The following ADCY2 variants were observed in gnomAD, a reference collection of about 807,000 sequenced individuals.
The protein encoded by ADCY2 is adenylate cyclase 2, also known as adenylate cyclase type 2.
Under a neutral mutation model 125.2 loss-of-function variants are expected in ADCY2, and 31 were observed. The ratio of observed to expected loss-of-function variants is 0.25; its 90% CI spans 0.19 to 0.33. The LOEUF (loss-of-function observed/expected upper bound fraction) is 0.33, where lower values mean the gene tolerates loss of function less well. ADCY2 is among the 10% of genes least tolerant of loss of function. The pLI is 1.00. For missense variants in ADCY2, 904 were observed against 1,418.2 expected (o/e 0.64, Z 5.82); for synonymous variants, 512 against 548.4 (o/e 0.93, Z 0.93).
At chr5:7,538,164 A>G (rs1393062098) in intron 3 of ADCY2, among the ~76,000 whole-genome samples, 2 of 152,196 alleles carry the variant, frequency 1.3e-5, no homozygotes, top group African/African-American at 4.8e-5. Context: ...ATAATATAAA[A>G]TATTTTTTGT....
chr5:7,802,563 C>G lies in ADCY2; in HGVS notation c.2775+199C>G, dbSNP rs1258318489. Among the ~76,000 whole-genome samples, 1 of 152,210 alleles carries G rather than the reference C, an allele frequency of 6.6e-6. No individual in the cohort carries two copies. Among genetic ancestry groups the G allele is most frequent in the Non-Finnish European group, 1.5e-5 (1 of 68,038 alleles). ...AGACAAATACATTGTATTTTTGAAG[C>G]TGGTATGACTGCTAGGAACAGCTAC... On this transcript the variant is annotated intron_variant, in intron 21 of 24. Transcript: ENST00000338316. The surrounding 1 kb of genome is among the most constrained non-coding windows in gnomAD (Gnocchi z 4.6).
chr5:7,655,608 G>A (rs1467002831), intron 4 of ADCY2, among the ~76,000 whole-genome samples: 1 of 152,166 alleles, frequency 6.6e-6, no homozygotes, highest in Non-Finnish European at 1.5e-5. Context: ...AGCGCAGTCT[G>A]CTTTACCAAG....
At position 7,535,788 on chromosome 5, in the gene ADCY2, C is replaced by T. The variant is rs187846315; in HGVS notation, c.570+14889C>T. Among the ~76,000 whole-genome samples the T allele has an allele frequency of 2.4e-3, 368 of 152,224 alleles. 1 individual carries two copies. The highest frequency in any genetic ancestry group is 3.6e-3 in the Non-Finnish European group (242 of 68,010). On this transcript the variant is annotated intron_variant, in intron 3 of 24. Coordinates refer to ENST00000338316, the MANE Select transcript of ADCY2 (RefSeq NM_020546.3). ...AAGATCTGGGATTTCTTGTCACTGG[C>T]AGAAAAATGAGCTAAGTTTGAACTG...
chr5:7,675,400 C>T (rs1374641412), intron 4 of ADCY2, among the ~76,000 whole-genome samples: 2 of 152,054 alleles, frequency 1.3e-5, no homozygotes, highest in Non-Finnish European at 2.9e-5. Context: ...TGCCCTTCCC[C>T]CACCAAATGA....
chr5:7,556,370 CAG>C (rs1735506801), intron 3 of ADCY2, among the ~76,000 whole-genome samples: 1 of 151,998 alleles, frequency 6.6e-6, no homozygotes, highest in Non-Finnish European at 1.5e-5. Flanking sequence ...AAATAAACAA[CAG>C]AGTAAAAATG....
rs1381870977 is a variant in ADCY2 at position 7,414,463 on chromosome 5, C to T, written c.211-110C>T. 33 of 916,856 alleles carry T rather than the reference C, an allele frequency of 3.6e-5. 1 individual carries two copies. The highest frequency in any genetic ancestry group is 3.9e-5 in the Non-Finnish European group (24 of 622,166). 56.8% of individuals were successfully genotyped at this position (916,856 alleles called of 1,614,324 possible). On this transcript the variant is annotated intron_variant, in intron 1 of 24. Coordinates refer to ENST00000338316, the MANE Select transcript of ADCY2 (RefSeq NM_020546.3). ...CTACTTTCAAAACAATTTCTTAAAC[C>T]CAATATATTCTGACATTGACAAGCG...
At chr5:7,699,950 C>T (rs886404051) in intron 7 of ADCY2, among the ~76,000 whole-genome samples, 5 of 152,100 alleles carry the variant, frequency 3.3e-5, no homozygotes, top group Admixed American at 6.6e-5. Flanking sequence ...TAGGAAGGCA[C>T]GGTTTTGTTT....
At chr5:7,805,817 G>A (rs1247479924) in intron 22 of ADCY2, among the ~76,000 whole-genome samples, 1 of 152,192 alleles carries the variant, frequency 6.6e-6, no homozygotes, top group Admixed American at 6.5e-5. Flanking sequence ...TGGGCAAAGA[G>A]TAGAACATGG....
chr5:7,679,365 C>T (rs1395904375), intron 4 of ADCY2, among the ~76,000 whole-genome samples: 2 of 152,192 alleles, frequency 1.3e-5, no homozygotes, highest in Non-Finnish European at 2.9e-5. Flanking sequence ...TATATCATAT[C>T]TTGTAATATA....
chr5:7,674,020 C>T (rs966403251), intron 4 of ADCY2, among the ~76,000 whole-genome samples: 1 of 152,108 alleles, frequency 6.6e-6, no homozygotes, highest in Admixed American at 6.5e-5. Context: ...GGAGGAAAGG[C>T]TGTTCCCTGG....
At chr5:7,410,349 A>G (rs1398501284) in intron 1 of ADCY2, among the ~76,000 whole-genome samples, 1 of 152,224 alleles carries the variant, frequency 6.6e-6, no homozygotes, top group Non-Finnish European at 1.5e-5. Flanking sequence ...GAAAAAAGAA[A>G]AAGTACATTG....
intron 4 of ADCY2, among the ~76,000 whole-genome samples, chr5:7,663,321 T>C (rs562770068): frequency 6.6e-6 from 1 of 152,300 alleles, no homozygotes; most frequent in South Asian, 2.1e-4. Flanking sequence ...AAAAGCACAA[T>C]TCCAGGAAGC....
intron 18 of ADCY2, among the ~76,000 whole-genome samples, chr5:7,777,994 C>T (rs1743795054): frequency 6.6e-6 from 1 of 152,152 alleles, no homozygotes; most frequent in East Asian, 1.9e-4. Context: ...GGCAGTTTCT[C>T]AGATGTTTCC....
chr5:7,803,104 T>C (rs1744649423), intron 21 of ADCY2, among the ~76,000 whole-genome samples: 1 of 152,188 alleles, frequency 6.6e-6, no homozygotes, highest in Non-Finnish European at 1.5e-5. Context: ...GTGGGCCCTG[T>C]GCACTTTCTG....
intron 3 of ADCY2, among the ~76,000 whole-genome samples, chr5:7,563,898 GC>G (rs1266730283): frequency 1.3e-5 from 2 of 152,128 alleles, no homozygotes; most frequent in Non-Finnish European, 2.9e-5. Flanking sequence ...GATCAAATAG[GC>G]TGGGTACTAC....
chr5:7,637,040 C>A (rs1738529408), intron 4 of ADCY2, among the ~76,000 whole-genome samples: 1 of 152,150 alleles, frequency 6.6e-6, no homozygotes, highest in Non-Finnish European at 1.5e-5. Context: ...AATAATGCAT[C>A]TTTGGTAATA....
At chr5:7,451,391 G>A (rs1245190936) in intron 2 of ADCY2, among the ~76,000 whole-genome samples, 2 of 152,208 alleles carry the variant, frequency 1.3e-5, no homozygotes, top group African/African-American at 4.8e-5. Context: ...TATGGTGACA[G>A]CAGCAAGAGA....
chr5:7,809,842 G>A (rs774701399), intron 22 of ADCY2, among the ~76,000 whole-genome samples: 1 of 152,196 alleles, frequency 6.6e-6, no homozygotes, highest in African/African-American at 2.4e-5. Flanking sequence ...CAACAATGTG[G>A]CTAAATGGTT....
chr5:7,741,745 ACCATCACCATCCCT>A (rs1560931304), intron 14 of ADCY2, among the ~76,000 whole-genome samples: 30 of 142,174 alleles, frequency 2.1e-4, no homozygotes, highest in Middle Eastern at 3.6e-3. Context: ...CATCACCATC[ACCATCACCATCCCT>A]ATCACTGTCA....
Sources: gnomAD v4.1 joint callset for allele counts (sites outside exome capture counted in the v4.1 genomes callset) on GRCh38, gnomAD v4.1.1 for gene constraint, Gnocchi (gnomAD v3.1) non-coding constraint, MANE v1.5 for transcripts, NCBI Gene and HGNC (gene_info 2026-07-23, HGNC 2026-07-21) for gene names.